Variants in TMEM108 observed in about 807,000 individuals in gnomAD.
TMEM108 encodes the protein transmembrane protein 108.
In TMEM108, 12 loss-of-function variants were observed where a neutral mutation model predicts 35.1. The observed-to-expected ratio is 0.34, with a 90% CI of 0.22 to 0.55. The LOEUF (loss-of-function observed/expected upper bound fraction) is 0.55. Among genes scored for constraint, TMEM108 ranks in the 20% least tolerant of loss-of-function variants. TMEM108 has a pLI of 0.89. For synonymous variants in TMEM108, 287 were observed against 308.6 expected (o/e 0.93, Z 0.73); for missense variants, 680 against 753.3 (o/e 0.90, Z 1.14).
intron 2 of TMEM108, among the ~76,000 whole-genome samples, chr3:133,082,817 A>G (rs1943829346): frequency 6.6e-6 from 1 of 151,926 alleles, no homozygotes; most frequent in East Asian, 1.9e-4. Flanking sequence ...GTGCTTGGCT[A>G]ATTTTTAAAA....
At chr3:133,108,978 AAATAT>A (rs1944193296) in intron 2 of TMEM108, among the ~76,000 whole-genome samples, 1 of 151,978 alleles carries the variant, frequency 6.6e-6, no homozygotes, top group African/African-American at 2.4e-5. Flanking sequence ...CTACAACTTA[AAATAT>A]AATAATAATA....
intron 3 of TMEM108, among the ~76,000 whole-genome samples, chr3:133,243,669 T>A (rs371655988): frequency 8.6e-5 from 13 of 152,018 alleles, no homozygotes; most frequent in African/African-American, 3.1e-4. Context: ...TACAGGCGCC[T>A]GCCACCACGC....
rs551420558 is a variant in TMEM108 at position 133,312,880 on chromosome 3, C to T, written c.41-66872C>T. 3.3e-5 allele frequency among the ~76,000 whole-genome samples: 5 copies of T among 152,324 alleles called. No homozygotes were observed. The East Asian group carries it at 9.6e-4, about 29-fold the overall frequency. ...TCTTGGAACGGAACCCTCCCTCCTT[C>T]ATTTTATTGTCTTAAGAATGACATT... On this transcript the variant is annotated intron_variant, in intron 3 of 5. Coordinates refer to ENST00000321871, the MANE Select transcript of TMEM108 (RefSeq NM_023943.4).
chr3:133,042,703 C>T (rs1943289576), intron 1 of TMEM108, among the ~76,000 whole-genome samples: 1 of 152,210 alleles, frequency 6.6e-6, no homozygotes, highest in South Asian at 2.1e-4. Flanking sequence ...GATGATTTAA[C>T]TTAACCTTCT....
intron 3 of TMEM108, chr3:133,253,357 C>G (rs188746408): frequency 2.0e-5 from 3 of 152,306 alleles, no homozygotes; most frequent in Non-Finnish European, 1.5e-5. Flanking sequence ...TCTCAGTTTA[C>G]TCACCTATAT....
At chr3:133,046,847 ATAG>A (rs1943345636) in intron 2 of TMEM108, among the ~76,000 whole-genome samples, 1 of 127,916 alleles carries the variant, frequency 7.8e-6, no homozygotes, top group South Asian at 2.5e-4. Flanking sequence ...AGAATGAGGG[ATAG>A]GAGGTTAAAG....
chr3:133,348,785 C>T (rs921058125), intron 3 of TMEM108, among the ~76,000 whole-genome samples: 13 of 152,106 alleles, frequency 8.5e-5, no homozygotes, highest in African/African-American at 2.9e-4. Context: ...CCTAAGTCTT[C>T]AAGAGGGGAC....
intron 2 of TMEM108, among the ~76,000 whole-genome samples, chr3:133,183,043 C>A (rs547053076): frequency 6.6e-6 from 1 of 152,266 alleles, no homozygotes; most frequent in South Asian, 2.1e-4. Flanking sequence ...TACATATAAC[C>A]AGTAGAACAT....
intron 3 of TMEM108, among the ~76,000 whole-genome samples, chr3:133,299,231 A>G (rs570622550): frequency 5.3e-5 from 8 of 152,340 alleles, no homozygotes; most frequent in African/African-American, 1.9e-4. Flanking sequence ...CACTCTTCAA[A>G]TAAGAAAAAC....
At chr3:133,340,325 G>A (rs543261206) in intron 3 of TMEM108, among the ~76,000 whole-genome samples, 3 of 151,776 alleles carry the variant, frequency 2.0e-5, no homozygotes, top group African/African-American at 7.2e-5. Context: ...CAATAAATTG[G>A]AAAATCTAGA....
chr3:133,388,723 C>T, intron 4 of TMEM108: 1 of 985,426 alleles, frequency 1.0e-6, no homozygotes, highest in African/African-American at 1.7e-5. Flanking sequence ...GTTGAGAGGC[C>T]AGCAAGGCTG....
chr3:133,070,938 T>C (rs1164906363), intron 2 of TMEM108, among the ~76,000 whole-genome samples: 14 of 152,078 alleles, frequency 9.2e-5, no homozygotes, highest in Admixed American at 9.2e-4. Context: ...GGAACTCCCA[T>C]TGAAGAGATG....
chr3:133,396,041 T>C lies in TMEM108; in HGVS notation c.*55T>C. On this transcript the variant is annotated 3_prime_UTR_variant, in exon 6 of 6. Coordinates refer to ENST00000321871, the MANE Select transcript of TMEM108 (RefSeq NM_023943.4). ...ATTTTTCGTCTCTAAATTATAAATA[T>C]ACAAATACATATATTATAAATATAA... The C allele has an allele frequency of 8.1e-7, 1 of 1,234,544 alleles. No individual in the cohort carries two copies. Among genetic ancestry groups the C allele is most frequent in the Non-Finnish European group, 1.0e-6 (1 of 961,888 alleles). The allele number at this position is 1,234,544 out of a possible 1,614,324, so 76.5% of individuals were successfully genotyped here.
chr3:133,366,961 C>A (rs528646063), intron 3 of TMEM108, among the ~76,000 whole-genome samples: 1 of 152,194 alleles, frequency 6.6e-6, no homozygotes, highest in Non-Finnish European at 1.5e-5. Flanking sequence ...TGGTGATGAG[C>A]TGGATAGAAC....
rs140595519 is a variant in TMEM108, at chr3:133,191,705, T to C, written c.-46-37561T>C. 1.2e-3 allele frequency among the ~76,000 whole-genome samples: 184 copies of C among 152,322 alleles called. 1 individual carries two copies. Among genetic ancestry groups the C allele is most frequent in the Middle Eastern group, 6.8e-3 (2 of 294 alleles). ...TGCTTCTACCTAGTCAAGATTCATA[T>C]GTTATCACTGCCCAGTGGAAAGCTA... On this transcript the variant is annotated intron_variant, in intron 2 of 5. Coordinates refer to ENST00000321871, the MANE Select transcript of TMEM108 (RefSeq NM_023943.4).
At chr3:133,200,851 T>C (rs1290670445) in intron 2 of TMEM108, among the ~76,000 whole-genome samples, 1 of 152,228 alleles carries the variant, frequency 6.6e-6, no homozygotes, top group Non-Finnish European at 1.5e-5. Context: ...AAATTTAAAA[T>C]TTGGTTCCCT....
At chr3:133,206,457 A>T (rs1945756030) in intron 2 of TMEM108, among the ~76,000 whole-genome samples, 1 of 151,734 alleles carries the variant, frequency 6.6e-6, no homozygotes. Flanking sequence ...TTGGTCTTTG[A>T]TGTTGGTACC....
intron 2 of TMEM108, among the ~76,000 whole-genome samples, chr3:133,152,727 T>C (rs899122302): frequency 6.6e-6 from 1 of 152,170 alleles, no homozygotes; most frequent in Admixed American, 6.6e-5. Flanking sequence ...TTAAGCTGCT[T>C]TCTGAAATGC....
At chr3:133,234,779 G>A (rs1438203090) in intron 3 of TMEM108, among the ~76,000 whole-genome samples, 4 of 152,076 alleles carry the variant, frequency 2.6e-5, no homozygotes, top group African/African-American at 7.2e-5. Flanking sequence ...GGAAATAAAG[G>A]GTATTCAATT....
Sources: gnomAD v4.1 joint callset for allele counts (sites outside exome capture counted in the v4.1 genomes callset) on GRCh38, gnomAD v4.1.1 for gene constraint, MANE v1.5 for transcripts, NCBI Gene and HGNC (gene_info 2026-07-23, HGNC 2026-07-21) for gene names.